The following DOCK1 variants were observed in gnomAD, a reference collection of about 807,000 sequenced individuals.
DOCK1 encodes the protein dedicator of cytokinesis 1, also known as dedicator of cytokinesis protein 1.
Under a neutral mutation model 262.7 loss-of-function variants are expected in DOCK1, and 138 were observed. That is an observed-to-expected ratio of 0.53 (90% CI 0.46 to 0.61). DOCK1 has a LOEUF of 0.61. Among genes scored for constraint, DOCK1 ranks in the 20% least tolerant of loss-of-function variants. The pLI is 0.00. For synonymous variants in DOCK1, 866 were observed against 867.4 expected, an observed-to-expected ratio of 1.00 and a Z score of 0.03; for missense variants, 1,908 against 2,370.7, an observed-to-expected ratio of 0.80 and a Z score of 4.05.
chr10:126,916,374 A>T lies in DOCK1; in HGVS notation c.46+10811A>T, dbSNP rs116812318. Among the ~76,000 whole-genome samples, 929 of 152,350 alleles carry T rather than the reference A, an allele frequency of 6.1e-3. 6 individuals are homozygous for T. The highest frequency in any genetic ancestry group is 0.021 in the African/African-American group (881 of 41,586). On this transcript the variant is annotated intron_variant, in intron 1 of 51. Coordinates refer to ENST00000623213, the MANE Select transcript of DOCK1 (RefSeq NM_001290223.2). ...TTAAATTGGAAAAGGACAGTGTGGC[A>T]TTGTGAGTTTCACTTTCCTCAAAGT...
At chr10:127,230,750 GTTTTTTGTT>G (rs1205181626) in intron 27 of DOCK1, among the ~76,000 whole-genome samples, 1 of 151,426 alleles carries the variant, frequency 6.6e-6, no homozygotes. Context: ...GCTATTCTGG[GTTTTTTGTT>G]TTTTTTGTTT....
At chr10:126,918,981 G>A (rs79489132) in intron 1 of DOCK1, among the ~76,000 whole-genome samples, 2,088 of 105,952 alleles carry the variant, frequency 0.02, 29 homozygotes, top group African/African-American at 0.055. Context: ...GGAGAAAGCC[G>A]AGAGGGAGTG....
In DOCK1 at chr10:127,032,299, T is replaced by C; in HGVS notation, c.1891T>C (p.Ser631Pro). The stretch of plus-strand genomic sequence containing the variant: ...CTTCCAGATCTCCACGCTCGTGTGC[T>C]CCACCAAACTGACTCAGAACGGTGC... ...DSFQISTLVC[S>P]TKLTQNVDLL... is the part of the protein sequence containing the mutation. Residue 631 changes from serine to proline, a missense_variant, in exon 18 of 52, where the codon TCC becomes CCC. Coordinates refer to ENST00000623213, the MANE Select transcript of DOCK1 (RefSeq NM_001290223.2). 1 of 1,572,380 alleles carries C rather than the reference T, an allele frequency of 6.4e-7. No homozygotes were observed. The highest frequency in any genetic ancestry group is 8.6e-7 in the Non-Finnish European group (1 of 1,162,354).
chr10:127,268,686 A>G (rs2060461235), intron 29 of DOCK1, among the ~76,000 whole-genome samples: 1 of 152,014 alleles, frequency 6.6e-6, no homozygotes, highest in African/African-American at 2.4e-5. Flanking sequence ...ACTGGTCTTC[A>G]CTTATTAGGG....
chr10:126,990,324 A>G, intron 5 of DOCK1, 131 bp from the exon 6 acceptor site: 1 of 945,648 alleles, frequency 1.1e-6, no homozygotes, highest in Non-Finnish European at 1.5e-6. Context: ...GCACCTTTTA[A>G]TTCAACATTA....
intron 29 of DOCK1, among the ~76,000 whole-genome samples, chr10:127,326,478 G>T (rs1016738297): frequency 7.2e-5 from 11 of 152,192 alleles, no homozygotes; most frequent in African/African-American, 2.4e-4. Context: ...ATCCATCCAA[G>T]TTGTATCATG....
intron 50 of DOCK1, among the ~76,000 whole-genome samples, chr10:127,445,153 G>A (rs1325395214): frequency 6.6e-6 from 1 of 152,154 alleles, no homozygotes; most frequent in Non-Finnish European, 1.5e-5. Flanking sequence ...GTGGCAGACA[G>A]CTTTTCACCA....
intron 1 of DOCK1, among the ~76,000 whole-genome samples, chr10:126,946,915 C>G (rs981306336): frequency 1.3e-5 from 2 of 152,212 alleles, no homozygotes; most frequent in Non-Finnish European, 2.9e-5. Context: ...CTCACGGTCA[C>G]AGCGGACAGG....
At chr10:127,043,256 G>T (rs1413773995) in intron 21 of DOCK1, 92 bp downstream of exon 21, 1 of 988,834 alleles carries the variant, frequency 1.0e-6, no homozygotes, top group African/African-American at 1.6e-5. Context: ...CTATGACTGT[G>T]TATTTACTCC....
intron 1 of DOCK1, among the ~76,000 whole-genome samples, chr10:126,926,255 CTT>C (rs559299060): frequency 1.4e-5 from 2 of 145,126 alleles, no homozygotes; most frequent in African/African-American, 2.5e-5. Context: ...TTCTTTCTTT[CTT>C]TTTTTTTTTT....
chr10:127,020,497 G>A (rs770535378), intron 13 of DOCK1, among the ~76,000 whole-genome samples: 1 of 151,678 alleles, frequency 6.6e-6, no homozygotes, highest in African/African-American at 2.4e-5. Context: ...AGCACAGGAG[G>A]TCAAAGCCGT....
At chr10:127,151,917 T>A (rs2052529726) in intron 27 of DOCK1, among the ~76,000 whole-genome samples, 1 of 152,180 alleles carries the variant, frequency 6.6e-6, no homozygotes, top group African/African-American at 2.4e-5. Context: ...AGAGACTTAT[T>A]CAGTCACTTT....
intron 23 of DOCK1, among the ~76,000 whole-genome samples, chr10:127,065,358 G>A (rs1301997122): frequency 1.3e-5 from 2 of 152,166 alleles, no homozygotes; most frequent in East Asian, 3.9e-4. Flanking sequence ...GTTCTACCAG[G>A]TGGTGGCATG....
chr10:127,035,168 C>T (rs1196439297), intron 18 of DOCK1, among the ~76,000 whole-genome samples: 3 of 152,186 alleles, frequency 2.0e-5, no homozygotes, highest in East Asian at 3.9e-4. Context: ...GTCTAAGCAT[C>T]AACTCCCACA....
intron 1 of DOCK1, among the ~76,000 whole-genome samples, chr10:126,916,210 AG>A (rs1218486367): frequency 6.6e-6 from 1 of 152,184 alleles, no homozygotes; most frequent in East Asian, 1.9e-4. Flanking sequence ...AGCTCTGCCC[AG>A]GGGAGAGAGC....
intron 1 of DOCK1, among the ~76,000 whole-genome samples, chr10:126,917,131 C>T (rs11245230): frequency 0.014 from 2,191 of 152,270 alleles, 48 homozygotes; most frequent in African/African-American, 0.05. Context: ...CCAGACACCC[C>T]GAGCAGCTCT....
At chr10:127,410,132 A>AACCTTTCATCGTTTCTTTG (rs2067756705) in intron 42 of DOCK1, among the ~76,000 whole-genome samples, 1 of 152,182 alleles carries the variant, frequency 6.6e-6, no homozygotes, top group East Asian at 1.9e-4. Flanking sequence ...TGGTTTCTTT[A>AACCTTTCATCGTTTCTTTG]ACCTTTCATC....
At chr10:127,361,144 T>G (rs1025047245) in intron 32 of DOCK1, among the ~76,000 whole-genome samples, 1 of 144,976 alleles carries the variant, frequency 6.9e-6, no homozygotes, top group Non-Finnish European at 1.5e-5. Context: ...GACAGAGTCT[T>G]GCTCTGTCGC....
At chr10:127,280,030 ATATAATT>A (rs1324910077) in intron 29 of DOCK1, among the ~76,000 whole-genome samples, 2,397 of 139,432 alleles carry the variant, frequency 0.017, 41 homozygotes, top group African/African-American at 0.061. Context: ...ATATATATAT[ATATAATT>A]TTTTTTTTTT....
Sources: allele counts gnomAD v4.1 joint callset (sites outside exome capture counted in the v4.1 genomes callset), GRCh38; gene constraint gnomAD v4.1.1; transcripts MANE v1.5; gene names NCBI Gene and HGNC (gene_info 2026-07-23, HGNC 2026-07-21).